FYN: variants seen among roughly 807,000 people sequenced by gnomAD.
FYN encodes tyrosine-protein kinase Fyn.
In FYN, 10 loss-of-function variants were observed where a neutral mutation model predicts 70.2. The observed-to-expected ratio is 0.14, with a 90% CI of 0.09 to 0.24. FYN has a LOEUF of 0.24. Among genes scored for constraint, FYN ranks in the 10% least tolerant of loss-of-function variants. FYN has a pLI of 1.00. For missense variants in FYN, 319 were observed against 673.1 expected (o/e 0.47, Z 5.82); for synonymous variants, 236 against 248.6 (o/e 0.95, Z 0.48).
chr6:111,675,347 C>G (rs1258226202), intron 12 of FYN, among the ~76,000 whole-genome samples: 4 of 152,190 alleles, frequency 2.6e-5, no homozygotes, highest in Non-Finnish European at 5.9e-5. Flanking sequence ...GAGTCTCTGA[C>G]TTTTCAAGAC....
intron 1 of FYN, among the ~76,000 whole-genome samples, chr6:111,851,748 G>C (rs1229741421): frequency 6.6e-6 from 1 of 152,174 alleles, no homozygotes; most frequent in Non-Finnish European, 1.5e-5. Flanking sequence ...CCAGGGGCCA[G>C]GTAAGCAACA....
At chr6:111,844,848 A>G (rs1773473601) in intron 2 of FYN, 1 of 152,260 alleles carries the variant, frequency 6.6e-6, no homozygotes, top group Non-Finnish European at 1.5e-5. Context: ...AGAAAACAAA[A>G]ACAAAAACAA....
At chr6:111,789,816 T>C (rs1771543659) in intron 2 of FYN, among the ~76,000 whole-genome samples, 1 of 152,226 alleles carries the variant, frequency 6.6e-6, no homozygotes, top group Non-Finnish European at 1.5e-5. Context: ...TGCTTTGCTA[T>C]GATGCAAGCG....
chr6:111,854,457 G>A (rs1341287621), intron 1 of FYN, among the ~76,000 whole-genome samples: 2 of 152,208 alleles, frequency 1.3e-5, no homozygotes, highest in Non-Finnish European at 2.9e-5. Context: ...CCAGACACTA[G>A]ATGTGCTGAC....
At chr6:111,662,454 C>A (rs1297727048) in intron 13 of FYN, among the ~76,000 whole-genome samples, 1 of 152,130 alleles carries the variant, frequency 6.6e-6, no homozygotes, top group East Asian at 1.9e-4. Context: ...TAAAAACGTA[C>A]AAAACAAACA....
intron 3 of FYN, among the ~76,000 whole-genome samples, chr6:111,727,727 G>A (rs1179498129): frequency 1.3e-5 from 2 of 152,084 alleles, no homozygotes; most frequent in Non-Finnish European, 2.9e-5. Flanking sequence ...AGGGGGAAGA[G>A]GATCAACCTT....
chr6:111,779,205 G>T (rs1345237566), intron 3 of FYN, among the ~76,000 whole-genome samples: 1 of 130,664 alleles, frequency 7.7e-6, no homozygotes, highest in Non-Finnish European at 1.5e-5. Context: ...TTGATTCTAT[G>T]AAATGGCAGC....
intron 2 of FYN, among the ~76,000 whole-genome samples, chr6:111,838,650 T>C (rs948495693): frequency 2.6e-5 from 4 of 152,236 alleles, no homozygotes; most frequent in Non-Finnish European, 5.9e-5. Flanking sequence ...AGTTAATTAA[T>C]TGGACGACAG....
intron 1 of FYN, among the ~76,000 whole-genome samples, chr6:111,866,373 A>G (rs1296076803): frequency 6.6e-6 from 1 of 151,992 alleles, no homozygotes; most frequent in Non-Finnish European, 1.5e-5. Flanking sequence ...ACAGAGCCTC[A>G]CTCTCTCGCC....
intron 13 of FYN, among the ~76,000 whole-genome samples, chr6:111,664,627 T>C (rs1046246828): frequency 6.6e-6 from 1 of 152,126 alleles, no homozygotes; most frequent in African/African-American, 2.4e-5. Flanking sequence ...TTCCTGGGCA[T>C]TTGGAGCCAG....
chr6:111,860,378 T>C (rs1304357479), intron 1 of FYN, among the ~76,000 whole-genome samples: 1 of 152,180 alleles, frequency 6.6e-6, no homozygotes. Flanking sequence ...ATGGGTGTTT[T>C]GGTGGGCAGC....
intron 1 of FYN, among the ~76,000 whole-genome samples, chr6:111,852,137 A>G (rs1385419806): frequency 6.6e-6 from 1 of 152,188 alleles, no homozygotes; most frequent in African/African-American, 2.4e-5. Context: ...TTTATTTAAG[A>G]GCACAGAGGG....
chr6:111,735,061 G>A (rs1249599231), intron 3 of FYN, among the ~76,000 whole-genome samples: 13 of 152,216 alleles, frequency 8.5e-5, no homozygotes, highest in African/African-American at 3.1e-4. Context: ...CAGGCAGGGA[G>A]GAGATGGGCA....
At chr6:111,807,095 C>G (rs917863023) in intron 2 of FYN, among the ~76,000 whole-genome samples, 4 of 152,196 alleles carry the variant, frequency 2.6e-5, no homozygotes, top group Non-Finnish European at 5.9e-5. Flanking sequence ...CAGGGACAGA[C>G]TACTCATTTC....
At chr6:111,714,596 C>T in intron 4 of FYN, 153 bp from the exon 5 acceptor site, 3 of 638,582 alleles carry the variant, frequency 4.7e-6, no homozygotes, top group East Asian at 2.8e-5. Context: ...GTCAAAACCA[C>T]AGTCACAGGG....
intron 5 of FYN, among the ~76,000 whole-genome samples, chr6:111,708,609 A>G (rs1216919673): frequency 6.6e-6 from 1 of 152,184 alleles, no homozygotes; most frequent in East Asian, 1.9e-4. Flanking sequence ...TGCAGGTAGA[A>G]TGATGCTACA....
chr6:111,691,301 G>T (rs1035408387), intron 12 of FYN, among the ~76,000 whole-genome samples: 1 of 152,182 alleles, frequency 6.6e-6, no homozygotes, highest in African/African-American at 2.4e-5. Context: ...TGCCCAAGGG[G>T]TGACAGATAT....
intron 3 of FYN, among the ~76,000 whole-genome samples, chr6:111,751,464 A>AC (rs1802484772): frequency 2.0e-5 from 3 of 146,424 alleles, no homozygotes; most frequent in South Asian, 2.1e-4. Context: ...TAACAACAAA[A>AC]ACCCCCCAAA....
Position 111,849,116 on chromosome 6 carries a change from A to G in FYN, c.-122-2487T>C, listed in dbSNP as rs571318852. 3.3e-5 allele frequency among the ~76,000 whole-genome samples: 5 copies of G among 152,310 alleles called. No individual in the cohort carries two copies. In the South Asian group the frequency reaches 1.0e-3, roughly 32 times the overall value. Reference sequence around the variant, plus strand: ...GGCTTTGGGCATTAGGGCATTTTCCATGCTTTTATTCTTCTTGCTGAAGCA... The same window carrying G: ...GGCTTTGGGCATTAGGGCATTTTCCGTGCTTTTATTCTTCTTGCTGAAGCA... On this transcript the variant is annotated intron_variant, in intron 1 of 13. Transcript: ENST00000354650.
Sources: allele counts gnomAD v4.1 joint callset (sites outside exome capture counted in the v4.1 genomes callset), GRCh38; gene constraint gnomAD v4.1.1; transcripts MANE v1.5; gene names NCBI Gene and HGNC (gene_info 2026-07-23, HGNC 2026-07-21).